The following TCEA1 variants were observed in gnomAD, a reference collection of about 807,000 sequenced individuals.
The protein encoded by TCEA1 is transcription elongation factor A protein 1.
Under a neutral mutation model 43.8 loss-of-function variants are expected in TCEA1, and 21 were observed. The observed-to-expected ratio is 0.48, with a 90% CI of 0.34 to 0.69. TCEA1 has a LOEUF of 0.69. Ranked by LOEUF, TCEA1 falls within the 30% of genes least tolerant of loss-of-function variation. The pLI is 0.01. For missense variants in TCEA1, 250 were observed against 365.1 expected (o/e 0.68, Z 2.57); for synonymous variants, 104 against 117.5 (o/e 0.88, Z 0.75).
intron 3 of TCEA1, among the ~76,000 whole-genome samples, chr8:53,995,219 T>C (rs1367029018): frequency 2.8e-5 from 4 of 141,720 alleles, no homozygotes; most frequent in Non-Finnish European, 6.0e-5. Context: ...CATTTGAACC[T>C]GGGAGGAGGA....
In TCEA1 at chr8:53,979,011, A is replaced by C; in HGVS notation, c.825+14T>G. ...TTTTTATATAAAAATAAGAATCTAT[A>C]AACAATCACAAACCTGTGTGTAAGT... On this transcript the variant is annotated intron_variant, in intron 8 of 9. Coordinates refer to ENST00000521604, the MANE Select transcript of TCEA1 (RefSeq NM_006756.4). 3.1e-6 allele frequency: 5 copies of C among 1,593,542 alleles called. No individual in the cohort carries two copies. The Admixed American group carries it at 7.0e-5, about 22-fold the overall frequency.
At chr8:53,981,076 G>A (rs536352253) in intron 7 of TCEA1, among the ~76,000 whole-genome samples, 1 of 152,294 alleles carries the variant, frequency 6.6e-6, no homozygotes, top group East Asian at 1.9e-4. Flanking sequence ...TTAATGCTGA[G>A]AGAGATGAGG....
At chr8:53,976,349 C>T (rs954907930) in intron 8 of TCEA1, among the ~76,000 whole-genome samples, 1 of 152,154 alleles carries the variant, frequency 6.6e-6, no homozygotes, top group Non-Finnish European at 1.5e-5. Context: ...AAAACTCCTG[C>T]TATACTTTAT....
Position 53,983,027 on chromosome 8 carries a change from T to G in TCEA1, c.678+1336A>C, listed in dbSNP as rs1254679120. 2.0e-5 allele frequency among the ~76,000 whole-genome samples: 3 copies of G among 152,182 alleles called. No individual in the cohort carries two copies. In the East Asian group the frequency reaches 5.8e-4, roughly 29 times the overall value. On this transcript the variant is annotated intron_variant, in intron 7 of 9. Coordinates refer to ENST00000521604, the MANE Select transcript of TCEA1 (RefSeq NM_006756.4). The stretch of plus-strand genomic sequence containing the variant: ...TCACTGTTGTCTTATTTTACAAAAT[T>G]ACCACAGCCACCTCAACCTTCAATA...
chr8:53,984,362 C>A lies in TCEA1; in HGVS notation c.678+1G>T. 1 of 1,597,316 alleles carries A rather than the reference C, an allele frequency of 6.3e-7. No homozygotes were observed. Among genetic ancestry groups the A allele is most frequent in the Non-Finnish European group, 8.5e-7 (1 of 1,173,718 alleles). Reference sequence around the variant, plus strand: ...GAAACCTCAGATTCACACATACTCACCTCTGCTGTCATTCTAGCAAATAAG... The same window carrying A: ...GAAACCTCAGATTCACACATACTCAACTCTGCTGTCATTCTAGCAAATAAG... On this transcript the variant is annotated splice_donor_variant, in intron 7 of 9. Transcript: ENST00000521604. LOFTEE classifies it high-confidence loss of function.
chr8:54,001,635 A>G (rs1804266530), intron 2 of TCEA1, among the ~76,000 whole-genome samples: 1 of 152,220 alleles, frequency 6.6e-6, no homozygotes, highest in South Asian at 2.1e-4. Flanking sequence ...GTGCAAAAAA[A>G]TAAAATGGCA....
chr8:53,995,289 T>C (rs1403880365), intron 3 of TCEA1, among the ~76,000 whole-genome samples: 1 of 138,208 alleles, frequency 7.2e-6, no homozygotes, highest in East Asian at 2.0e-4. Flanking sequence ...AGTGAGACTC[T>C]GTCTCAAAAA....
At chr8:53,997,561 G>A (rs1804100339) in intron 3 of TCEA1, among the ~76,000 whole-genome samples, 1 of 152,110 alleles carries the variant, frequency 6.6e-6, no homozygotes, top group Admixed American at 6.5e-5. Context: ...ATCTAATCAT[G>A]AGAAAAAAGC....
chr8:53,992,116 A>C (rs778447775), intron 4 of TCEA1, among the ~76,000 whole-genome samples: 18 of 152,052 alleles, frequency 1.2e-4, no homozygotes, highest in Admixed American at 5.9e-4. Context: ...GTTCAAGACC[A>C]GTCTGGCCAA....
intron 6 of TCEA1, among the ~76,000 whole-genome samples, chr8:53,985,058 C>T (rs1388950374): frequency 6.6e-6 from 1 of 152,096 alleles, no homozygotes; most frequent in Non-Finnish European, 1.5e-5. Flanking sequence ...GAAGGAGTCT[C>T]ACTCTGTCAC....
At chr8:53,987,110 T>C (rs1050090073) in intron 5 of TCEA1, 85 bp from the exon 6 acceptor site, 5 of 1,119,862 alleles carry the variant, frequency 4.5e-6, no homozygotes, top group Admixed American at 4.9e-5. Context: ...TGCATTCCTA[T>C]TTCTTAAACC....
intron 2 of TCEA1, among the ~76,000 whole-genome samples, chr8:54,007,948 A>C (rs1804527881): frequency 6.6e-6 from 1 of 152,136 alleles, no homozygotes; most frequent in African/African-American, 2.4e-5. Flanking sequence ...TCAGGAGGCC[A>C]AGGATGGTGG....
At chr8:53,973,503 G>C in intron 8 of TCEA1, 1 of 505,066 alleles carries the variant, frequency 2.0e-6, no homozygotes, top group Non-Finnish European at 3.7e-6. Flanking sequence ...AGAAAAAAGT[G>C]AACAAAATCT....
chr8:53,991,035 CAT>C (rs1440733428), intron 4 of TCEA1, among the ~76,000 whole-genome samples: 1 of 152,104 alleles, frequency 6.6e-6, no homozygotes, highest in Admixed American at 6.6e-5. Flanking sequence ...TCAGACTTCA[CAT>C]ACAGTAATTT....
At chr8:53,970,039 A>T (rs1457734707) in intron 9 of TCEA1, among the ~76,000 whole-genome samples, 2 of 152,182 alleles carry the variant, frequency 1.3e-5, no homozygotes, top group African/African-American at 4.8e-5. Flanking sequence ...CCAAAATCAA[A>T]ATCTATTAAA....
intron 3 of TCEA1, 70 bp downstream of exon 3, chr8:53,999,875 A>G: frequency 9.1e-7 from 1 of 1,095,548 alleles, no homozygotes; most frequent in South Asian, 1.4e-5. Context: ...AACTAACCAT[A>G]AAATGTAACC....
chr8:53,985,218 T>C (rs1803650081), intron 6 of TCEA1, among the ~76,000 whole-genome samples: 2 of 152,078 alleles, frequency 1.3e-5, no homozygotes, highest in South Asian at 4.1e-4. Flanking sequence ...GGTTTCACCA[T>C]GTTGGCCAGG....
intron 8 of TCEA1, among the ~76,000 whole-genome samples, chr8:53,976,084 T>C (rs1202111476): frequency 1.3e-5 from 2 of 152,198 alleles, no homozygotes; most frequent in African/African-American, 2.4e-5. Context: ...CAAAGCATTA[T>C]TAAAGTTAAA....
intron 1 of TCEA1, chr8:54,021,399 A>G (rs538565352): frequency 4.4e-4 from 67 of 152,350 alleles, no homozygotes; most frequent in African/African-American, 1.6e-3. Flanking sequence ...TAATTTGTCC[A>G]AATCCCTCTA....
Sources: allele counts gnomAD v4.1 joint callset (sites outside exome capture counted in the v4.1 genomes callset), GRCh38; gene constraint gnomAD v4.1.1; transcripts MANE v1.5; gene names NCBI Gene and HGNC (gene_info 2026-07-23, HGNC 2026-07-21).